The following CETP variants were observed in gnomAD, a reference collection of about 807,000 sequenced individuals.
CETP encodes cholesteryl ester transfer protein.
CETP carries 56 observed loss-of-function variants against 66.5 expected under a neutral mutation model. The observed-to-expected ratio is 0.84, with a 90% CI of 0.68 to 1.05. The LOEUF is 1.05. CETP is among the 50% of genes least tolerant of loss of function. CETP has a pLI of 0.00. For missense variants in CETP, 612 were observed against 609.6 expected (o/e 1.00, Z -0.04); for synonymous variants, 251 against 245.7 (o/e 1.02, Z -0.20).
Position 56,971,310 on chromosome 16 carries a change from G to C in CETP, c.598-11G>C. 6.2e-7 allele frequency: 1 copy of C among 1,613,886 alleles called. No homozygotes were observed. The highest frequency in any genetic ancestry group is 8.5e-7 in the Non-Finnish European group (1 of 1,180,018). ...TTCCTGCCTGGAAAGCACCTGCTCTGTCTGCCCCAGATCTGCAAAGAGATC... is the reference window on the plus strand; with the variant it reads ...TTCCTGCCTGGAAAGCACCTGCTCTCTCTGCCCCAGATCTGCAAAGAGATC... On this transcript the variant is annotated splice_polypyrimidine_tract_variant and intron_variant, in intron 6 of 15. Transcript: ENST00000200676.
At chr16:56,983,161 C>T (rs370594550) in intron 14 of CETP, among the ~76,000 whole-genome samples, 165 bp from the exon 15 acceptor site, 3 of 152,236 alleles carry the variant, frequency 2.0e-5, no homozygotes, top group Non-Finnish European at 4.4e-5. Context: ...TGCTCTTCCT[C>T]ATCCTCAGAA....
intron 2 of CETP, among the ~76,000 whole-genome samples, chr16:56,967,603 C>A (rs1002957278): frequency 6.8e-6 from 1 of 147,692 alleles, no homozygotes; most frequent in African/African-American, 2.5e-5. Flanking sequence ...TGCAGTGAGC[C>A]GAGATCGTGC....
At chr16:56,966,000 C>T (rs1337165052) in intron 2 of CETP, among the ~76,000 whole-genome samples, 1 of 152,190 alleles carries the variant, frequency 6.6e-6, no homozygotes, top group Non-Finnish European at 1.5e-5. Context: ...CTACTATCTT[C>T]CAAACTCCCA....
Position 56,973,327 on chromosome 16 carries a change from C to T in CETP, c.751-4C>T, listed in dbSNP as rs752622552. The T allele has an allele frequency of 3.7e-6, 6 of 1,614,162 alleles. No individual in the cohort carries two copies. The highest frequency in any genetic ancestry group is 3.3e-5 in the South Asian group (3 of 91,086). The stretch of plus-strand genomic sequence containing the variant: ...GGTCCAGCCAGCGTCCTGGCTTCCT[C>T]CAGGGTCATTTCATCTACAAGAATG... On this transcript the variant is annotated splice_region_variant and splice_polypyrimidine_tract_variant and intron_variant, in intron 8 of 15. Coordinates refer to ENST00000200676, the MANE Select transcript of CETP (RefSeq NM_000078.3).
At chr16:56,971,404 G>A in intron 7 of CETP, 23 bp downstream of exon 7, 1 of 1,609,430 alleles carries the variant, frequency 6.2e-7, no homozygotes, top group Admixed American at 1.7e-5. Flanking sequence ...CTGTCTGCAT[G>A]CCTCAGAAGA....
At chr16:56,975,839 A>G (rs1404957625) in intron 10 of CETP, among the ~76,000 whole-genome samples, 1 of 150,930 alleles carries the variant, frequency 6.6e-6, no homozygotes, top group Non-Finnish European at 1.5e-5. Context: ...TCCACACACA[A>G]CCTGCTTACC....
At chr16:56,963,985 CTTTATTTTATTTA>C (rs2056045443) in intron 2 of CETP, among the ~76,000 whole-genome samples, 1 of 143,018 alleles carries the variant, frequency 7.0e-6, no homozygotes, top group Non-Finnish European at 1.5e-5. Flanking sequence ...CTATCTTAAT[CTTTATTTTATTTA>C]TTTATTTATT....
chr16:56,969,459 A>G lies in CETP; in HGVS notation c.307A>G (p.Ile103Val). 1.2e-6 allele frequency: 2 copies of G among 1,614,146 alleles called. No homozygotes were observed. Among genetic ancestry groups the G allele is most frequent in the Non-Finnish European group, 1.7e-6 (2 of 1,180,022 alleles). Residue 103 changes from isoleucine to valine, a missense_variant, in exon 3 of 16, where the codon ATT (isoleucine) becomes GTT (valine). By Grantham distance (29) the Ile-to-Val change is conservative. Coordinates refer to ENST00000200676, the MANE Select transcript of CETP (RefSeq NM_000078.3). Reference sequence around the variant, plus strand: ...GGAAGCCAAGTCCATTGATGTCTCCATTCAGAACGTGTCTGTGGTCTTCAA... The same window carrying G: ...GGAAGCCAAGTCCATTGATGTCTCCGTTCAGAACGTGTCTGTGGTCTTCAA... ...LVEAKSIDVS[I>V]QNVSVVFKGT...
Position 56,975,017 on chromosome 16 carries a change from A to C in CETP, c.931-84A>C. The stretch of plus-strand genomic sequence containing the variant: ...CGTCTGAGGAGGGGTCCAGTCCTTG[A>C]AACTGCCCTTGGTCCCTGCGAAGTT... On this transcript the variant is annotated intron_variant, in intron 9 of 15. Transcript: ENST00000200676. 1.4e-5 allele frequency: 17 copies of C among 1,254,832 alleles called. No homozygotes were observed. The Middle Eastern group carries it at 1.5e-3, about 113-fold the overall frequency. The allele number at this position is 1,254,832 out of a possible 1,614,324, so 77.7% of individuals were successfully genotyped here.
Position 56,983,764 on chromosome 16 carries a change from G to A in CETP, c.*98G>A, listed in dbSNP as rs1237245037. 3 of 1,173,692 alleles carry A rather than the reference G, an allele frequency of 2.6e-6. No individual in the cohort carries two copies. The highest frequency in any genetic ancestry group is 1.2e-5 in the South Asian group (1 of 81,686). The allele number at this position is 1,173,692 out of a possible 1,614,324, so 72.7% of individuals were successfully genotyped here. On this transcript the variant is annotated 3_prime_UTR_variant, in exon 16 of 16. Coordinates refer to ENST00000200676, the MANE Select transcript of CETP (RefSeq NM_000078.3). ...TCTCCTCCAGCGTGGTGGAAGTTGG[G>A]TTAGGAGTACGGAGATGGAGATTGG... is the stretch of plus-strand genomic sequence containing the variant.
At chr16:56,962,264 C>A in intron 1 of CETP, 167 bp downstream of exon 1, 2 of 747,070 alleles carry the variant, frequency 2.7e-6, no homozygotes, top group South Asian at 2.8e-5. Flanking sequence ...TCATCACCCC[C>A]TCCTGACCTC....
chr16:56,979,831 TA>T (rs71383213), intron 11 of CETP, among the ~76,000 whole-genome samples: 8,580 of 152,184 alleles, frequency 0.056, 338 homozygotes, highest in Middle Eastern at 0.11. Context: ...CATTAAGAAC[TA>T]AAGACAAGAG....
At position 56,973,481 on chromosome 16, in the gene CETP, A is replaced by G; in HGVS notation, c.901A>G (p.Met301Val). The G allele has an allele frequency of 1.2e-6, 2 of 1,614,170 alleles. No homozygotes were observed. The highest frequency in any genetic ancestry group is 1.7e-6 in the Non-Finnish European group (2 of 1,180,016). Residue 301 changes from methionine to valine, a missense_variant, in exon 9 of 16, where the codon ATG (methionine) becomes GTG (valine). Transcript: ENST00000200676. ...GGTAGCTTTCCAGGATGGCCGCCTC[A>G]TGCTCAGCCTGATGGGAGACGAGTT... is the stretch of plus-strand genomic sequence containing the variant. ...AKVAFQDGRL[M>V]LSLMGDEFKA... is the part of the protein sequence containing the mutation.
At chr16:56,983,566 C>A in intron 15 of CETP, 26 bp from the exon 16 acceptor site, 5 of 1,613,888 alleles carry the variant, frequency 3.1e-6, no homozygotes, top group Non-Finnish European at 4.2e-6. Flanking sequence ...CAGCTCGCCC[C>A]TCTCTCCTAC....
In CETP at chr16:56,971,975, A is replaced by G. The variant is rs778700729; in HGVS notation, c.659-17A>G. 1 of 1,612,100 alleles carries G rather than the reference A, an allele frequency of 6.2e-7. No individual in the cohort carries two copies. Among genetic ancestry groups the G allele is most frequent in the Non-Finnish European group, 8.5e-7 (1 of 1,178,204 alleles). ...TCCCCCATCCTGAGGCCCTGCGTTGATCTTTTCCTCCTGCAGCCAGCATCC... is the reference window on the plus strand; with the variant it reads ...TCCCCCATCCTGAGGCCCTGCGTTGGTCTTTTCCTCCTGCAGCCAGCATCC... On this transcript the variant is annotated splice_polypyrimidine_tract_variant and intron_variant, in intron 7 of 15. Coordinates refer to ENST00000200676, the MANE Select transcript of CETP (RefSeq NM_000078.3).
Position 56,980,963 on chromosome 16 carries a change from A to G in CETP, c.1147-195A>G, listed in dbSNP as rs4784745. Among the ~76,000 whole-genome samples the G allele has an allele frequency of 0.28, 42,094 of 152,154 alleles. 6,614 individuals are homozygous for G. Among genetic ancestry groups the G allele is most frequent in the East Asian group, 0.43 (2,222 of 5,168 alleles). ...GAAAAGAAAAAGAAAGTGACTTCTC[A>G]GGTCCTAACCCCAAAGCCACAGGTG... On this transcript the variant is annotated intron_variant, in intron 11 of 15. Transcript: ENST00000200676.
chr16:56,980,137 C>T lies in CETP; in HGVS notation c.1147-1021C>T, dbSNP rs543604694. Among the ~76,000 whole-genome samples, 15 of 152,362 alleles carry T rather than the reference C, an allele frequency of 9.8e-5. No homozygotes were observed. In the South Asian group the frequency reaches 2.5e-3, roughly 25 times the overall value. On this transcript the variant is annotated intron_variant, in intron 11 of 15. Transcript: ENST00000200676. ...CATTGGTGCATGACTGTTAACCAAA[C>T]TCTAAACTTTATTTGAATCTCCCCA...
At chr16:56,969,714 G>C in intron 4 of CETP, 33 bp downstream of exon 4, 2 of 1,611,072 alleles carry the variant, frequency 1.2e-6, no homozygotes, top group Non-Finnish European at 1.7e-6. Context: ...GGAAGTGGGA[G>C]CTGGACTCCA....
chr16:56,978,899 C>T (rs1276211899), intron 11 of CETP, among the ~76,000 whole-genome samples: 7 of 152,192 alleles, frequency 4.6e-5, no homozygotes, highest in Admixed American at 3.9e-4. Flanking sequence ...AATCTCGGCT[C>T]ACTACAACCT....
Sources: gnomAD v4.1 joint callset for allele counts (sites outside exome capture counted in the v4.1 genomes callset) on GRCh38, gnomAD v4.1.1 for gene constraint, MANE v1.5 for transcripts, NCBI Gene and HGNC (gene_info 2026-07-23, HGNC 2026-07-21) for gene names.